DCLK1: variants seen among roughly 807,000 people sequenced by gnomAD.
The protein encoded by DCLK1 is serine/threonine-protein kinase DCLK1.
In DCLK1, 16 loss-of-function variants were observed where a neutral mutation model predicts 86.2. The observed-to-expected ratio is 0.19, with a 90% CI of 0.13 to 0.28. The LOEUF is 0.28. Among genes scored for constraint, DCLK1 ranks in the 10% least tolerant of loss-of-function variants. The pLI is 1.00. For missense variants in DCLK1, 590 were observed against 940.2 expected (o/e 0.63, Z 4.87); for synonymous variants, 369 against 370.5 (o/e 1.00, Z 0.05).
intron 15 of DCLK1, among the ~76,000 whole-genome samples, chr13:35,804,507 A>G (rs2086987819): frequency 6.6e-6 from 1 of 151,640 alleles, no homozygotes; most frequent in South Asian, 2.1e-4. Context: ...ATCTCAGCTC[A>G]CTGCAGCCTC....
At chr13:36,061,715 C>G (rs1323705764) in intron 3 of DCLK1, among the ~76,000 whole-genome samples, 3 of 152,098 alleles carry the variant, frequency 2.0e-5, no homozygotes, top group Non-Finnish European at 4.4e-5. Flanking sequence ...TAATTTGGCT[C>G]AACTTAAATA....
chr13:35,994,374 C>T lies in DCLK1; in HGVS notation c.724-46917G>A, dbSNP rs141494280. Among the ~76,000 whole-genome samples, 981 of 152,282 alleles carry T rather than the reference C, an allele frequency of 6.4e-3. 5 individuals carry two copies. The highest frequency in any genetic ancestry group is 0.011 in the Non-Finnish European group (723 of 68,032). ...TTTCTAGCTGTAAGCTTCCACACCA[C>T]AGAATAGTCAATCACATTACAGCCC... On this transcript the variant is annotated intron_variant, in intron 3 of 16. Coordinates refer to ENST00000360631, the MANE Select transcript of DCLK1 (RefSeq NM_001330071.2).
At chr13:36,074,327 C>T (rs1023528442) in intron 3 of DCLK1, among the ~76,000 whole-genome samples, 3 of 151,688 alleles carry the variant, frequency 2.0e-5, no homozygotes, top group Non-Finnish European at 4.4e-5. Context: ...ACAGTGAAAC[C>T]CCATCTCTAC....
intron 3 of DCLK1, among the ~76,000 whole-genome samples, chr13:36,027,167 AT>A (rs1007939684): frequency 1.3e-5 from 2 of 152,074 alleles, no homozygotes; most frequent in Non-Finnish European, 2.9e-5. Flanking sequence ...GGGAAAGACA[AT>A]TTTCCCACAG....
chr13:36,070,177 A>G (rs1883917186), intron 3 of DCLK1, among the ~76,000 whole-genome samples: 1 of 152,220 alleles, frequency 6.6e-6, no homozygotes, highest in Non-Finnish European at 1.5e-5. Context: ...AACATCCTAA[A>G]GTGGCTGCAG....
At chr13:36,041,449 A>G (rs1882699137) in intron 3 of DCLK1, among the ~76,000 whole-genome samples, 1 of 152,186 alleles carries the variant, frequency 6.6e-6, no homozygotes, top group African/African-American at 2.4e-5. Flanking sequence ...AATTATGTAC[A>G]GCTTTTTTTG....
intron 4 of DCLK1, among the ~76,000 whole-genome samples, chr13:35,924,241 TGG>T (rs1443349219): frequency 6.6e-6 from 1 of 151,902 alleles, no homozygotes; most frequent in Admixed American, 6.6e-5. Flanking sequence ...GTGAGATAAG[TGG>T]GGGCAAATCT....
chr13:35,997,161 T>C lies in DCLK1; in HGVS notation c.724-49704A>G, dbSNP rs557930001. 2.0e-5 allele frequency among the ~76,000 whole-genome samples: 3 copies of C among 152,346 alleles called. No individual in the cohort carries two copies. The East Asian group carries it at 5.8e-4, about 29-fold the overall frequency. On this transcript the variant is annotated intron_variant, in intron 3 of 16. Coordinates refer to ENST00000360631, the MANE Select transcript of DCLK1 (RefSeq NM_001330071.2). ...TTAAATCCAATATCAGCCTCATCCA[T>C]ACACAAATGCAAAGCCAAGGCTAGC... is the stretch of plus-strand genomic sequence containing the variant.
At chr13:36,057,791 C>G (rs117270208) in intron 3 of DCLK1, among the ~76,000 whole-genome samples, 1 of 151,886 alleles carries the variant, frequency 6.6e-6, no homozygotes, top group Non-Finnish European at 1.5e-5. Flanking sequence ...GCTCTGTATT[C>G]AGGCTGAGCT....
chr13:36,055,287 G>A (rs951794343), intron 3 of DCLK1, among the ~76,000 whole-genome samples: 4 of 152,090 alleles, frequency 2.6e-5, no homozygotes, highest in African/African-American at 7.2e-5. Context: ...CTTCCCCTCC[G>A]ATTTGAGATT....
chr13:35,853,971 C>T (rs1260776972), intron 6 of DCLK1, among the ~76,000 whole-genome samples: 1 of 152,126 alleles, frequency 6.6e-6, no homozygotes, highest in Non-Finnish European at 1.5e-5. Context: ...ACTGTGGTCT[C>T]CAAGCTCAGC....
At chr13:35,826,747 A>T (rs1868502173) in intron 10 of DCLK1, among the ~76,000 whole-genome samples, 3 of 152,082 alleles carry the variant, frequency 2.0e-5, no homozygotes, top group Admixed American at 2.0e-4. Flanking sequence ...CTCGTCTTGA[A>T]TTTTTAAAAG....
chr13:35,786,208 T>C (rs1327573634), intron 16 of DCLK1, among the ~76,000 whole-genome samples: 1 of 152,200 alleles, frequency 6.6e-6, no homozygotes, highest in African/African-American at 2.4e-5. Flanking sequence ...TGGGGTTTAG[T>C]TCCCATCCTT....
At chr13:35,940,627 G>A (rs760776159) in intron 4 of DCLK1, among the ~76,000 whole-genome samples, 1 of 152,116 alleles carries the variant, frequency 6.6e-6, no homozygotes, top group Non-Finnish European at 1.5e-5. Flanking sequence ...CATTTACCAA[G>A]GGCTGGGACT....
rs116931149 is a variant in DCLK1 at position 36,101,491 on chromosome 13, C to T, written c.723+10378G>A. 3.1e-3 allele frequency among the ~76,000 whole-genome samples: 473 copies of T among 152,342 alleles called. 2 individuals are homozygous for T. The highest frequency in any genetic ancestry group is 4.5e-3 in the Non-Finnish European group (307 of 68,040). On this transcript the variant is annotated intron_variant, in intron 3 of 16. Coordinates refer to ENST00000360631, the MANE Select transcript of DCLK1 (RefSeq NM_001330071.2). ...AAACTAATGTTTAATGCATCTACCA[C>T]GCAACAACAGCCGGGGTTCGCCGTC...
intron 3 of DCLK1, among the ~76,000 whole-genome samples, chr13:35,949,064 CTA>C (rs1877530860): frequency 6.6e-6 from 1 of 152,110 alleles, no homozygotes; most frequent in African/African-American, 2.4e-5. Context: ...TACTGAATGC[CTA>C]CCACGCTCCA....
At chr13:35,925,961 A>G (rs75895116) in intron 4 of DCLK1, among the ~76,000 whole-genome samples, 2,980 of 152,318 alleles carry the variant, frequency 0.02, 35 homozygotes, top group South Asian at 0.035. Flanking sequence ...CGTAGTTTGC[A>G]GTTTGTATAC....
intron 6 of DCLK1, chr13:35,846,065 C>A (rs932226092): frequency 2.0e-6 from 2 of 985,298 alleles, no homozygotes; most frequent in African/African-American, 1.7e-5. Context: ...TTCAATGAAA[C>A]ATTTTGTCAA....
At chr13:35,935,280 G>A (rs1876693211) in intron 4 of DCLK1, among the ~76,000 whole-genome samples, 1 of 152,188 alleles carries the variant, frequency 6.6e-6, no homozygotes, top group Non-Finnish European at 1.5e-5. Flanking sequence ...CAAGGAGTCT[G>A]TAGGCAGTGG....
Sources: allele counts gnomAD v4.1 joint callset (sites outside exome capture counted in the v4.1 genomes callset), GRCh38; gene constraint gnomAD v4.1.1; transcripts MANE v1.5; gene names NCBI Gene and HGNC (gene_info 2026-07-23, HGNC 2026-07-21).